The following CRYBG3 variants were observed in gnomAD, a reference collection of about 807,000 sequenced individuals.
CRYBG3 encodes very large A-kinase anchor protein.
Under a neutral mutation model 244.2 loss-of-function variants are expected in CRYBG3, and 127 were observed. The observed-to-expected ratio is 0.52, with a 90% CI of 0.45 to 0.60. The LOEUF (loss-of-function observed/expected upper bound fraction) is 0.60, where lower values mean the gene tolerates loss of function less well. CRYBG3 is among the 20% of genes least tolerant of loss of function. CRYBG3 has a pLI of 0.00. For synonymous variants in CRYBG3, 1,132 were observed against 1,195.8 expected, an observed-to-expected ratio of 0.95 and a Z score of 1.10; for missense variants, 3,325 against 3,442.5, an observed-to-expected ratio of 0.97 and a Z score of 0.85.
In CRYBG3 at chr3:97,933,592, T is replaced by C. The variant is rs1435501421; in HGVS notation, c.8242-102T>C. 3.6e-6 allele frequency: 4 copies of C among 1,120,382 alleles called. No homozygotes were observed. In the Admixed American group the frequency reaches 5.6e-5, roughly 16 times the overall value. 69.4% of individuals were successfully genotyped at this position (1,120,382 alleles called of 1,614,324 possible). On this transcript the variant is annotated intron_variant, in intron 17 of 21. Transcript: ENST00000389622. ...TTAGAGAGTAAAACAGTAAACTCCA[T>C]GCATTTAAGAATACAATGGATTCAG...
At chr3:97,930,136 A>G (rs962744186) in intron 17 of CRYBG3, among the ~76,000 whole-genome samples, 7 of 152,088 alleles carry the variant, frequency 4.6e-5, no homozygotes, top group African/African-American at 1.7e-4. Flanking sequence ...AACAGTTAAC[A>G]TCATGTAACC....
At chr3:97,837,099 T>C (rs2038745250) in intron 1 of CRYBG3, 1 of 152,176 alleles carries the variant, frequency 6.6e-6, no homozygotes, top group East Asian at 1.9e-4. Context: ...CAGACAAAAG[T>C]TCATTCTGAG....
intron 11 of CRYBG3, 102 bp downstream of exon 11, chr3:97,893,095 A>G (rs1423820309): frequency 2.0e-6 from 2 of 1,008,462 alleles, no homozygotes; most frequent in African/African-American, 1.7e-5. Flanking sequence ...TAATCTAAAA[A>G]TATACATTCC....
At chr3:97,908,989 T>C (rs1216052618) in intron 15 of CRYBG3, among the ~76,000 whole-genome samples, 1 of 151,972 alleles carries the variant, frequency 6.6e-6, no homozygotes, top group Non-Finnish European at 1.5e-5. Flanking sequence ...AAGTATTTTA[T>C]TTCTCCTTCA....
In CRYBG3 at chr3:97,877,404, C is replaced by A. The variant is rs769992914; in HGVS notation, c.6210C>A (p.Phe2070Leu). 1 of 1,614,098 alleles carries A rather than the reference C, an allele frequency of 6.2e-7. No individual in the cohort carries two copies. The highest frequency in any genetic ancestry group is 1.1e-5 in the South Asian group (1 of 91,062). The change falls in exon 4 of 22, where the codon TTC (phenylalanine) becomes TTA (leucine). Residue 2070 changes from phenylalanine to leucine, a missense_variant. By Grantham distance (22) the Phe-to-Leu change is conservative (BLOSUM62 0). Coordinates refer to ENST00000389622, the MANE Select transcript of CRYBG3 (RefSeq NM_153605.4). ...ETFDSDSSEM[F>L]LSVEAKRYKI... ...TTGATAGTGATAGTTCAGAAATGTT[C>A]TTATCAGTGGAGGCCAAAAGGTACA...
At chr3:97,854,699 T>G (rs1022616850) in intron 2 of CRYBG3, among the ~76,000 whole-genome samples, 4 of 151,830 alleles carry the variant, frequency 2.6e-5, no homozygotes, top group African/African-American at 7.3e-5. Context: ...ATACATTGAT[T>G]TTTTTTTATC....
chr3:97,913,262 A>G (rs182552824), intron 16 of CRYBG3, among the ~76,000 whole-genome samples: 169 of 152,248 alleles, frequency 1.1e-3, no homozygotes, highest in African/African-American at 3.9e-3. Flanking sequence ...TGACCTTACC[A>G]TCAACTAGCC....
At position 97,871,794 on chromosome 3, in the gene CRYBG3, A is replaced by G. The variant is rs1164969459; in HGVS notation, c.648-48A>G. Reference sequence around the variant, plus strand: ...ACCACAGTTGCTGGGATTAGTATTAAGTATTATTAATTATATTTCCTGATA... The same window carrying G: ...ACCACAGTTGCTGGGATTAGTATTAGGTATTATTAATTATATTTCCTGATA... On this transcript the variant is annotated intron_variant, in intron 3 of 21. Coordinates refer to ENST00000389622, the MANE Select transcript of CRYBG3 (RefSeq NM_153605.4). 6.2e-6 allele frequency: 8 copies of G among 1,300,156 alleles called. No homozygotes were observed. The East Asian group carries it at 1.8e-4, about 29-fold the overall frequency. The allele number at this position is 1,300,156 out of a possible 1,614,324, so 80.5% of individuals were successfully genotyped here. A position where few individuals can be genotyped will look rare whatever the true frequency, so the allele number is the denominator to read the frequency against.
chr3:97,870,407 G>A (rs2108211133), intron 3 of CRYBG3, among the ~76,000 whole-genome samples: 1 of 152,232 alleles, frequency 6.6e-6, no homozygotes, highest in Non-Finnish European at 1.5e-5. Context: ...TGGTTTTCCT[G>A]TGTTAATTCA....
At chr3:97,849,779 C>T (rs1426239325) in intron 2 of CRYBG3, among the ~76,000 whole-genome samples, 1 of 152,172 alleles carries the variant, frequency 6.6e-6, no homozygotes, top group East Asian at 1.9e-4. Context: ...GATTCTGGAA[C>T]ACGAGAGTGA....
At chr3:97,908,647 A>C (rs1447326190) in intron 15 of CRYBG3, among the ~76,000 whole-genome samples, 1 of 152,186 alleles carries the variant, frequency 6.6e-6, no homozygotes, top group Non-Finnish European at 1.5e-5. Flanking sequence ...GTGTCTCTGC[A>C]CATGAGATGG....
At chr3:97,938,221 G>C (rs1246970563) in intron 19 of CRYBG3, among the ~76,000 whole-genome samples, 1 of 152,016 alleles carries the variant, frequency 6.6e-6, no homozygotes, top group Non-Finnish European at 1.5e-5. Flanking sequence ...GGCTCCATCT[G>C]GAAAATGGGG....
intron 6 of CRYBG3, 22 bp downstream of exon 6, chr3:97,880,122 T>TA: frequency 8.1e-7 from 1 of 1,240,304 alleles, no homozygotes; most frequent in Non-Finnish European, 1.2e-6. Flanking sequence ...CTTAAAATTT[T>TA]ATAGCATATT....
At chr3:97,922,824 A>C (rs1420305391) in intron 17 of CRYBG3, among the ~76,000 whole-genome samples, 3 of 152,154 alleles carry the variant, frequency 2.0e-5, no homozygotes, top group African/African-American at 4.8e-5. Flanking sequence ...TTGACCCAGC[A>C]ATCTCATTAC....
intron 15 of CRYBG3, among the ~76,000 whole-genome samples, chr3:97,904,721 T>A (rs2039747129): frequency 6.6e-6 from 1 of 150,762 alleles, no homozygotes; most frequent in Admixed American, 6.6e-5. Context: ...AGTTTCTGAG[T>A]CTTTTTTTTA....
intron 1 of CRYBG3, among the ~76,000 whole-genome samples, chr3:97,823,345 G>A (rs1321204182): frequency 6.6e-6 from 1 of 152,026 alleles, no homozygotes; most frequent in East Asian, 1.9e-4. Flanking sequence ...ATTTCCTGGT[G>A]GGCTTAAAAA....
chr3:97,941,048 GATA>G, intron 19 of CRYBG3, 97 bp from the exon 20 acceptor site: 1 of 900,294 alleles, frequency 1.1e-6, no homozygotes, highest in Non-Finnish European at 1.7e-6. Flanking sequence ...ATATAACTAA[GATA>G]GTTACCTCTC....
Position 97,873,755 on chromosome 3 carries a change from A to G in CRYBG3, c.2561A>G (p.Asp854Gly). 6.5e-7 allele frequency: 1 copy of G among 1,535,300 alleles called. No individual in the cohort carries two copies. The highest frequency in any genetic ancestry group is 1.2e-5 in the South Asian group (1 of 83,820). Residue 854 changes from aspartate to glycine, a missense_variant, in exon 4 of 22, where the codon GAT (aspartate) becomes GGT (glycine). Physicochemically the swap from Asp to Gly is moderately conservative, Grantham distance 94. Transcript: ENST00000389622. ...GTGGAGCCCAGAAACATTTCTCAGGATAAAATGTCTTCTTTTCCATTGAAA... is the reference window on the plus strand; with the variant it reads ...GTGGAGCCCAGAAACATTTCTCAGGGTAAAATGTCTTCTTTTCCATTGAAA... ...SKVEPRNISQ[D>G]KMSSFPLKIT...
chr3:97,895,320 T>C (rs2039627172), intron 11 of CRYBG3, among the ~76,000 whole-genome samples: 1 of 152,260 alleles, frequency 6.6e-6, no homozygotes, highest in Non-Finnish European at 1.5e-5. Context: ...TGTCTTGTAC[T>C]GATAGTTTTA....
Sources: allele counts gnomAD v4.1 joint callset (sites outside exome capture counted in the v4.1 genomes callset), GRCh38; gene constraint gnomAD v4.1.1; transcripts MANE v1.5; gene names NCBI Gene and HGNC (gene_info 2026-07-23, HGNC 2026-07-21).